The following PAX5 variants were observed in gnomAD, a reference collection of about 807,000 sequenced individuals.
PAX5 encodes paired box 5, also known as paired box protein Pax-5.
In PAX5, 9 loss-of-function variants were observed where a neutral mutation model predicts 43.7. The observed-to-expected ratio is 0.21, with a 90% CI of 0.12 to 0.36. PAX5 has a LOEUF of 0.36. Among genes scored for constraint, PAX5 ranks in the 10% least tolerant of loss-of-function variants. PAX5 has a pLI of 1.00. For synonymous variants in PAX5, 228 were observed against 214.3 expected (o/e 1.06, Z -0.56); for missense variants, 383 against 532.7 (o/e 0.72, Z 2.77).
chr9:37,012,186 G>A (rs142345044), intron 3 of PAX5, among the ~76,000 whole-genome samples: 14 of 152,268 alleles, frequency 9.2e-5, no homozygotes, highest in East Asian at 5.8e-4. Flanking sequence ...CGGGCAGCCC[G>A]CGAGGATCTG....
chr9:36,890,135 T>TA (rs1385737475), intron 7 of PAX5, among the ~76,000 whole-genome samples: 13 of 152,092 alleles, frequency 8.5e-5, no homozygotes, highest in Admixed American at 1.3e-4. Flanking sequence ...CCTGACAGTG[T>TA]GAAAACCCTT....
At chr9:36,891,400 G>A (rs895848087) in intron 7 of PAX5, among the ~76,000 whole-genome samples, 1 of 152,212 alleles carries the variant, frequency 6.6e-6, no homozygotes, top group Non-Finnish European at 1.5e-5. Flanking sequence ...CGCACACGTC[G>A]GTGCGTGTGT....
At position 36,996,065 on chromosome 9, in the gene PAX5, G is replaced by A. The variant is rs1033686804; in HGVS notation, c.604+6583C>T. ...CCCGGGCTCCCGGCTGCAGGCAATCGGCTTCTTCAGTACTATGGAATCGCT... is the reference window on the plus strand; with the variant it reads ...CCCGGGCTCCCGGCTGCAGGCAATCAGCTTCTTCAGTACTATGGAATCGCT... On this transcript the variant is annotated intron_variant, in intron 5 of 9. Transcript: ENST00000358127. 5.9e-5 allele frequency among the ~76,000 whole-genome samples: 9 copies of A among 152,338 alleles called. No individual in the cohort carries two copies. In the South Asian group the frequency reaches 1.7e-3, roughly 28 times the overall value.
Position 37,034,008 on chromosome 9 carries a change from C to A in PAX5, c.24G>T (p.Pro8=). 5 of 1,605,212 alleles carry A rather than the reference C, an allele frequency of 3.1e-6. No individual in the cohort carries two copies. The highest frequency in any genetic ancestry group is 2.2e-5 in the East Asian group (1 of 44,498). ...TACCTGTCCTGCTGGTCCGAGGAGT[C>A]GGATAATTTTTCTCTAAATCCATTT... The part of the protein sequence containing the change: MDLEKNY[P]TPRTSRTGHG... Residue 8 remains proline (P), a synonymous_variant, in exon 1 of 10, where the codon CCG becomes CCT. Transcript: ENST00000358127.
intron 8 of PAX5, among the ~76,000 whole-genome samples, chr9:36,853,520 C>T (rs938517877): frequency 1.2e-4 from 18 of 152,130 alleles, no homozygotes; most frequent in Non-Finnish European, 2.6e-4. Flanking sequence ...GAGCCCCTGA[C>T]CTGCAAATTC....
At chr9:37,025,462 T>G in intron 1 of PAX5, among the ~76,000 whole-genome samples, 1 of 152,042 alleles carries the variant, frequency 6.6e-6, no homozygotes, top group East Asian at 1.9e-4. Flanking sequence ...TGGGGACGGC[T>G]CCTAGCCCGG....
intron 6 of PAX5, among the ~76,000 whole-genome samples, chr9:36,928,655 A>T (rs1443873411): frequency 6.6e-6 from 1 of 152,134 alleles, no homozygotes; most frequent in Non-Finnish European, 1.5e-5. Flanking sequence ...GTGATACGCT[A>T]ACATCCCCTT....
chr9:36,977,704 G>C (rs1488996000), intron 5 of PAX5, among the ~76,000 whole-genome samples: 4 of 152,142 alleles, frequency 2.6e-5, no homozygotes, highest in Admixed American at 2.0e-4. Context: ...CTAATTTTTT[G>C]TATTTTAAGT....
chr9:36,845,295 C>T (rs991587058), intron 9 of PAX5, among the ~76,000 whole-genome samples: 5 of 152,182 alleles, frequency 3.3e-5, no homozygotes, highest in Non-Finnish European at 7.4e-5. Context: ...ATCTCCCTAC[C>T]CCCACCCCTG....
chr9:37,023,757 C>T (rs1334852289), intron 1 of PAX5, among the ~76,000 whole-genome samples: 1 of 152,074 alleles, frequency 6.6e-6, no homozygotes, highest in Non-Finnish European at 1.5e-5. Context: ...GCTCCAGGAC[C>T]CCCACAAGAT....
rs569829557 is a variant in PAX5 at position 37,022,032 on chromosome 9, C to A, written c.47-1231G>T. Among the ~76,000 whole-genome samples, 6 of 152,264 alleles carry A rather than the reference C, an allele frequency of 3.9e-5. No individual in the cohort carries two copies. The East Asian group carries it at 1.2e-3, about 29-fold the overall frequency. On this transcript the variant is annotated intron_variant, in intron 1 of 9. Coordinates refer to ENST00000358127, the MANE Select transcript of PAX5 (RefSeq NM_016734.3). ...TTTCTCCCCAGTACTAAACTACAAC[C>A]CAGGTTCATGAACCTCATCTGAAAT...
intron 6 of PAX5, among the ~76,000 whole-genome samples, chr9:36,954,235 G>C (rs1322970214): frequency 1.3e-5 from 2 of 152,036 alleles, no homozygotes; most frequent in Non-Finnish European, 2.9e-5. Context: ...TGTTAATCTG[G>C]CAGATCTCAG....
chr9:36,841,264 C>G (rs1893932), intron 9 of PAX5, among the ~76,000 whole-genome samples: 2,708 of 152,358 alleles, frequency 0.018, 82 homozygotes, highest in African/African-American at 0.062. Flanking sequence ...TGAGCACATC[C>G]TCTGTGCCTG....
At chr9:36,961,581 T>C (rs1023325151) in intron 6 of PAX5, among the ~76,000 whole-genome samples, 11 of 152,232 alleles carry the variant, frequency 7.2e-5, no homozygotes, top group Admixed American at 2.0e-4. Context: ...TAAAATGAAC[T>C]CCATTTGACA....
intron 7 of PAX5, among the ~76,000 whole-genome samples, chr9:36,911,285 C>T (rs1258583659): frequency 1.3e-5 from 2 of 152,174 alleles, no homozygotes; most frequent in African/African-American, 4.8e-5. Flanking sequence ...GCCCAATAAG[C>T]TGTAACTACT....
intron 3 of PAX5, among the ~76,000 whole-genome samples, chr9:37,011,547 A>G (rs1044426140): frequency 3.9e-5 from 6 of 152,176 alleles, no homozygotes; most frequent in Admixed American, 3.3e-4. Context: ...GCCACCTCCA[A>G]TGGACACTCA....
chr9:36,979,555 T>C (rs543704233), intron 5 of PAX5, among the ~76,000 whole-genome samples: 34 of 152,334 alleles, frequency 2.2e-4, no homozygotes, highest in Non-Finnish European at 4.3e-4. Flanking sequence ...TCAGCTTATC[T>C]GATTCTCCTG....
At position 36,882,418 on chromosome 9, in the gene PAX5, C is replaced by T. The variant is rs183274030; in HGVS notation, c.911-313G>A. On this transcript the variant is annotated intron_variant, in intron 7 of 9. Coordinates refer to ENST00000358127, the MANE Select transcript of PAX5 (RefSeq NM_016734.3). This position sits in a 1 kb window ranked among gnomAD's most constrained non-coding sequence, Gnocchi z 4.4. ...AGGCTAGGCAATGCAGGTGACAGCA[C>T]GCCCCGACTCCAGCCAGCTCTCCCT... Among the ~76,000 whole-genome samples the T allele has an allele frequency of 5.3e-5, 8 of 152,236 alleles. No individual in the cohort carries two copies. In the South Asian group the frequency reaches 1.2e-3, roughly 24 times the overall value.
intron 8 of PAX5, among the ~76,000 whole-genome samples, chr9:36,847,135 A>G (rs1455666848): frequency 6.6e-6 from 1 of 152,168 alleles, no homozygotes; most frequent in Non-Finnish European, 1.5e-5. Context: ...TCCCCTCCTT[A>G]TCAGTGGGAG....
Sources: allele counts gnomAD v4.1 joint callset (sites outside exome capture counted in the v4.1 genomes callset), GRCh38; gene constraint gnomAD v4.1.1; non-coding constraint Gnocchi (gnomAD v3.1); transcripts MANE v1.5; gene names NCBI Gene and HGNC (gene_info 2026-07-23, HGNC 2026-07-21).